ZNF418: variants seen among roughly 807,000 people sequenced by gnomAD.
The protein encoded by ZNF418 is zinc finger protein 418.
Under a neutral mutation model 32.0 loss-of-function variants are expected in ZNF418, and 32 were observed. That is an observed-to-expected ratio of 1.00 (90% CI 0.75 to 1.34). ZNF418 has a LOEUF of 1.34. ZNF418 is among the 40% of genes most tolerant of loss of function. ZNF418 has a pLI of 0.00. For synonymous variants in ZNF418, 276 were observed against 270.7 expected (o/e 1.02, Z -0.19); for missense variants, 804 against 812.5 (o/e 0.99, Z 0.13).
intron 3 of ZNF418, among the ~76,000 whole-genome samples, chr19:57,928,981 G>A (rs1225449355): frequency 6.8e-6 from 1 of 146,986 alleles, no homozygotes; most frequent in Non-Finnish European, 1.5e-5. Context: ...GCGACAAAGA[G>A]AGACTCCATC....
chr19:57,927,141 C>T lies in ZNF418; in HGVS notation c.1040G>A (p.Cys347Tyr). 6.2e-7 allele frequency: 1 copy of T among 1,614,166 alleles called. No homozygotes were observed. Among genetic ancestry groups the T allele is most frequent in the Non-Finnish European group, 8.5e-7 (1 of 1,180,012 alleles). The change falls in exon 4 of 6, where the codon TGT (cysteine) becomes TAT (tyrosine). Residue 347 changes from cysteine (C) to tyrosine (Y), a missense_variant. By Grantham distance (194) the Cys-to-Tyr change is radical. Coordinates refer to ENST00000396147, the MANE Select transcript of ZNF418 (RefSeq NM_133460.3). ...TGERPYECEE[C>Y]GKCFTQKGNL... ...GCCCTTCTGAGTAAAACATTTCCCA[C>T]ATTCTTCACACTCATAAGGTCTTTC... is the stretch of plus-strand genomic sequence containing the variant.
At chr19:57,930,626 C>T in intron 2 of ZNF418, 72 bp from the exon 3 acceptor site, 16 of 1,593,876 alleles carry the variant, frequency 1.0e-5, no homozygotes, top group African/African-American at 1.3e-5. Context: ...CTCTCCCACA[C>T]CCCCACCCCC....
Position 57,926,583 on chromosome 19 carries a change from G to A in ZNF418, c.1598C>T (p.Thr533Ile), listed in dbSNP as rs373028676. ...TCCACATTCATAAGGCCTTTCTCCA[G>A]TATGAACTCTCCGATGTCGAAGGAG... ...CSLLRHRRVH[T>I]GERPYECGEC... Residue 533 changes from threonine (T) to isoleucine (I), a missense_variant, in exon 4 of 6, where the codon ACT (threonine) becomes ATT (isoleucine). Thr to Ile is a moderately conservative substitution (Grantham distance 89). Transcript: ENST00000396147. The A allele has an allele frequency of 3.1e-6, 5 of 1,614,014 alleles. No individual in the cohort carries two copies. The highest frequency in any genetic ancestry group is 3.4e-6 in the Non-Finnish European group (4 of 1,180,052).
chr19:57,922,982 A>C (rs1488847212), intron 5 of ZNF418, among the ~76,000 whole-genome samples: 2 of 141,478 alleles, frequency 1.4e-5, no homozygotes, highest in African/African-American at 5.3e-5. Context: ...CCTGGGCAAC[A>C]GAGTGACACT....
At position 57,927,348 on chromosome 19, in the gene ZNF418, C is replaced by T. The variant is rs1159401021; in HGVS notation, c.833G>A (p.Arg278Gln). The T allele has an allele frequency of 4.3e-6, 7 of 1,614,042 alleles. No individual in the cohort carries two copies. Among genetic ancestry groups the T allele is most frequent in the East Asian group, 2.2e-5 (1 of 44,890 alleles). ...SHKGSLVQHQ[R>Q]VHTGKRPYEC... Reference sequence around the variant, plus strand: ...ATAAGGTCTTTTCCCAGTGTGAACTCGCTGATGCTGAACAAGGCTGCCCTT... The same window carrying T: ...ATAAGGTCTTTTCCCAGTGTGAACTTGCTGATGCTGAACAAGGCTGCCCTT... The change falls in exon 4 of 6, where the codon CGA becomes CAA. Residue 278 changes from arginine to glutamine, a missense_variant. Transcript: ENST00000396147.
chr19:57,926,721 C>A lies in ZNF418; in HGVS notation c.1460G>T (p.Cys487Phe), dbSNP rs2122783786. 1 of 1,614,172 alleles carries A rather than the reference C, an allele frequency of 6.2e-7. No individual in the cohort carries two copies. Among genetic ancestry groups the A allele is most frequent in the South Asian group, 1.1e-5 (1 of 91,076 alleles). The change falls in exon 4 of 6, where the codon TGT becomes TTT. Residue 487 changes from cysteine (C) to phenylalanine (F), a missense_variant. Cys to Phe is a radical substitution (Grantham distance 205). Coordinates refer to ENST00000396147, the MANE Select transcript of ZNF418 (RefSeq NM_133460.3). Reference sequence around the variant, plus strand: ...AGAGCTGTCTTGAAATGATTTCCCACATTCATTACATTCATATGGCCTTTC... The same window carrying A: ...AGAGCTGTCTTGAAATGATTTCCCAAATTCATTACATTCATATGGCCTTTC... ...TGERPYECNE[C>F]GKSFQDSSGF...
Position 57,930,438 on chromosome 19 carries a change from T to G in ZNF418, c.123A>C (p.Ile41=). Residue 41 remains isoleucine (I), a synonymous_variant, in exon 3 of 6, where the codon ATA becomes ATC. Transcript: ENST00000396147. ...HDVMLENWVL[I]SSLGCWCGSE... Reference sequence around the variant, plus strand: ...GTGTGAGGAACTTACCCAGGGAGGATATAAGTACCCAGTTCTCCAGCATCA... The same window carrying G: ...GTGTGAGGAACTTACCCAGGGAGGAGATAAGTACCCAGTTCTCCAGCATCA... The G allele has an allele frequency of 1.2e-6, 2 of 1,614,058 alleles. No individual in the cohort carries two copies. Among genetic ancestry groups the G allele is most frequent in the Non-Finnish European group, 1.7e-6 (2 of 1,179,990 alleles).
In ZNF418 at chr19:57,922,930, G is replaced by A. The variant is rs116765738; in HGVS notation, c.*625+262C>T. ...TGGGAGGATGACTTGAGTCCAGCAG[G>A]TCAAGGCTGCAGTGAATTGTGATTG... On this transcript the variant is annotated intron_variant, in intron 5 of 5. Coordinates refer to ENST00000396147, the MANE Select transcript of ZNF418 (RefSeq NM_133460.3). Among the ~76,000 whole-genome samples, 1,259 of 150,124 alleles carry A rather than the reference G, an allele frequency of 8.4e-3. 28 individuals are homozygous for A. The highest frequency in any genetic ancestry group is 0.03 in the African/African-American group (1,212 of 40,704).
In ZNF418 at chr19:57,926,765, G is replaced by A; in HGVS notation, c.1416C>T (p.His472=). ...LFRGKSHLIE[H]QRVHTGERPY... is the part of the protein sequence containing the mutation. ...GCCTTTCTCCAGTGTGAACTCTCTGGTGTTCAATGAGGTGGGACTTGCCCC... is the reference window on the plus strand; with the variant it reads ...GCCTTTCTCCAGTGTGAACTCTCTGATGTTCAATGAGGTGGGACTTGCCCC... The change falls in exon 4 of 6, where the codon CAC becomes CAT. Residue 472 remains histidine (H), a synonymous_variant. Coordinates refer to ENST00000396147, the MANE Select transcript of ZNF418 (RefSeq NM_133460.3). The A allele has an allele frequency of 6.2e-7, 1 of 1,613,296 alleles. No individual in the cohort carries two copies. Among genetic ancestry groups the A allele is most frequent in the Non-Finnish European group, 8.5e-7 (1 of 1,179,814 alleles).
In ZNF418 at chr19:57,925,970, T is replaced by C. The variant is rs761968943; in HGVS notation, c.*180A>G. ...CAATGACAGAAGGCAGAAGGCTTTC[T>C]CACATTCATCGCACTCAAGAGGCCC... On this transcript the variant is annotated 3_prime_UTR_variant, in exon 4 of 6. Transcript: ENST00000396147. 5.1e-6 allele frequency: 3 copies of C among 587,746 alleles called. No homozygotes were observed. The highest frequency in any genetic ancestry group is 9.0e-6 in the Non-Finnish European group (3 of 333,268). 36.4% of individuals were successfully genotyped at this position (587,746 alleles called of 1,614,324 possible).
intron 3 of ZNF418, among the ~76,000 whole-genome samples, chr19:57,929,114 G>A (rs1188072064): frequency 1.3e-5 from 2 of 152,188 alleles, no homozygotes; most frequent in Non-Finnish European, 2.9e-5. Flanking sequence ...TGGGTGAGAT[G>A]TGGAGTCCAG....
intron 4 of ZNF418, among the ~76,000 whole-genome samples, chr19:57,925,189 G>A (rs967945813): frequency 5.3e-5 from 8 of 152,262 alleles, no homozygotes; most frequent in South Asian, 2.1e-4. Flanking sequence ...CGCTGGGTGC[G>A]GTGGCTCACG....
chr19:57,922,437 G>A lies in ZNF418; in HGVS notation c.*818C>T, dbSNP rs1265734228. 5.0e-6 allele frequency: 2 copies of A among 396,310 alleles called. No homozygotes were observed. Among genetic ancestry groups the A allele is most frequent in the Non-Finnish European group, 8.9e-6 (2 of 225,064 alleles). The allele number at this position is 396,310 out of a possible 1,614,324, so 24.5% of individuals were successfully genotyped here. ...GTAATTCACAAGAAATTCTCCAAGA[G>A]GGAGTTACCAATTCAACACATATTT... On this transcript the variant is annotated 3_prime_UTR_variant, in exon 6 of 6. Coordinates refer to ENST00000396147, the MANE Select transcript of ZNF418 (RefSeq NM_133460.3).
chr19:57,923,911 A>T (rs1371213437), intron 4 of ZNF418, among the ~76,000 whole-genome samples: 1 of 152,114 alleles, frequency 6.6e-6, no homozygotes, highest in East Asian at 1.9e-4. Context: ...TAAACTTACC[A>T]CATGGTACAG....
rs941823382 is a variant in ZNF418 at position 57,926,017 on chromosome 19, G to A, written c.*133C>T. 40 of 743,250 alleles carry A rather than the reference G, an allele frequency of 5.4e-5. No individual in the cohort carries two copies. In the African/African-American group the frequency reaches 6.2e-4, roughly 12 times the overall value. The allele number at this position is 743,250 out of a possible 1,614,324, so 46.0% of individuals were successfully genotyped here. A position where few individuals can be genotyped will look rare whatever the true frequency, so the allele number is the denominator to read the frequency against. On this transcript the variant is annotated 3_prime_UTR_variant, in exon 4 of 6. Coordinates refer to ENST00000396147, the MANE Select transcript of ZNF418 (RefSeq NM_133460.3). ...GCCCTTCTGCAGTGGGAGCTCTTCT[G>A]TATGTAATAAAACAAGACTTCTGCA...
In ZNF418 at chr19:57,930,459, C is replaced by T. The variant is rs1437355719; in HGVS notation, c.102G>A (p.Met34Ile). Residue 34 changes from methionine (M) to isoleucine (I), a missense_variant, in exon 3 of 6, where the codon ATG (methionine) becomes ATA (isoleucine). By Grantham distance (10) the Met-to-Ile change is conservative (BLOSUM62 1). This residue lies in a region of ZNF418 where 307 missense variants were observed against 304.9 expected (regional missense o/e 1.01). Coordinates refer to ENST00000396147, the MANE Select transcript of ZNF418 (RefSeq NM_133460.3). ...EVQRCLYHDV[M>I]LENWVLISSL... ...AGGATATAAGTACCCAGTTCTCCAG[C>T]ATCACGTCATGGTAAAGGCATCTCT... 1 of 1,614,146 alleles carries T rather than the reference C, an allele frequency of 6.2e-7. No homozygotes were observed. Among genetic ancestry groups the T allele is most frequent in the South Asian group, 1.1e-5 (1 of 91,090 alleles).
At chr19:57,925,318 G>A (rs1488699750) in intron 4 of ZNF418, among the ~76,000 whole-genome samples, 1 of 152,058 alleles carries the variant, frequency 6.6e-6, no homozygotes, top group African/African-American at 2.4e-5. Flanking sequence ...AAAATTAGCT[G>A]GGCATGGTGG....
chr19:57,928,917 C>G (rs558782531), intron 3 of ZNF418, among the ~76,000 whole-genome samples: 1 of 152,194 alleles, frequency 6.6e-6, no homozygotes, highest in African/African-American at 2.4e-5. Context: ...TGGCGTGAAC[C>G]CAGGAGGTGG....
At chr19:57,934,603 C>T (rs1220258982) in intron 1 of ZNF418, among the ~76,000 whole-genome samples, 1 of 152,164 alleles carries the variant, frequency 6.6e-6, no homozygotes, top group Non-Finnish European at 1.5e-5. Flanking sequence ...AAGCTCAGGT[C>T]TCCTTGAACC....
Sources: allele counts gnomAD v4.1 joint callset (sites outside exome capture counted in the v4.1 genomes callset), GRCh38; gene constraint gnomAD v4.1.1; regional missense constraint gnomAD v4.1.1; transcripts MANE v1.5; gene names NCBI Gene and HGNC (gene_info 2026-07-23, HGNC 2026-07-21).